Variants in SLC22A23 observed in about 807,000 individuals in gnomAD.
The protein encoded by SLC22A23 is solute carrier family 22 member 23, also known as ion transporter protein.
Under a neutral mutation model 61.0 loss-of-function variants are expected in SLC22A23, and 26 were observed. The observed-to-expected ratio is 0.43, with a 90% CI of 0.31 to 0.59. The LOEUF (loss-of-function observed/expected upper bound fraction) is 0.59, where lower values mean the gene tolerates loss of function less well. SLC22A23 is among the 20% of genes least tolerant of loss of function. The pLI is 0.11. For synonymous variants in SLC22A23, 430 were observed against 413.9 expected (o/e 1.04, Z -0.47); for missense variants, 796 against 934.7 (o/e 0.85, Z 1.94).
chr6:3,274,384 C>T (rs1282288191), intron 9 of SLC22A23, among the ~76,000 whole-genome samples: 1 of 152,172 alleles, frequency 6.6e-6, no homozygotes, highest in Non-Finnish European at 1.5e-5. Context: ...GTGGCCTTGT[C>T]TCAAGGAAGA....
In SLC22A23 at chr6:3,273,267, G is replaced by A; in HGVS notation, c.1849C>T (p.Leu617=). ...CTLICIICIL[L]LPESRDQNLP... Reference sequence around the variant, plus strand: ...TTCTGGTCCCTGCTCTCGGGCAGCAGGAGGATGCAGATGATGCAGATGAGC... The same window carrying A: ...TTCTGGTCCCTGCTCTCGGGCAGCAAGAGGATGCAGATGATGCAGATGAGC... Residue 617 remains leucine (L), a synonymous_variant, in exon 10 of 10, where the codon CTG becomes TTG. Transcript: ENST00000406686. 6.2e-7 allele frequency: 1 copy of A among 1,613,616 alleles called. No homozygotes were observed. Among genetic ancestry groups the A allele is most frequent in the Non-Finnish European group, 8.5e-7 (1 of 1,179,588 alleles).
At chr6:3,339,468 A>G (rs1295753684) in intron 3 of SLC22A23, among the ~76,000 whole-genome samples, 1 of 152,206 alleles carries the variant, frequency 6.6e-6, no homozygotes, top group African/African-American at 2.4e-5. Flanking sequence ...CTTAAACAGG[A>G]GCTGGGTAAA....
At chr6:3,350,734 T>C (rs78516254) in intron 3 of SLC22A23, among the ~76,000 whole-genome samples, 2,658 of 152,290 alleles carry the variant, frequency 0.017, 25 homozygotes, top group African/African-American at 0.038. Flanking sequence ...AAATCAGCAT[T>C]ATTACTTAAA....
intron 3 of SLC22A23, among the ~76,000 whole-genome samples, chr6:3,350,573 G>GC (rs1764710153): frequency 6.6e-6 from 1 of 152,220 alleles, no homozygotes; most frequent in Non-Finnish European, 1.5e-5. Flanking sequence ...GGCCTGCACA[G>GC]CCCAGAATAT....
intron 3 of SLC22A23, among the ~76,000 whole-genome samples, chr6:3,408,564 G>C (rs1768983797): frequency 6.6e-6 from 1 of 152,196 alleles, no homozygotes. Context: ...AATGGATCAA[G>C]GTGTTCTCTT....
chr6:3,373,240 A>C (rs1307594999), intron 3 of SLC22A23, among the ~76,000 whole-genome samples: 1 of 152,218 alleles, frequency 6.6e-6, no homozygotes, highest in Non-Finnish European at 1.5e-5. Flanking sequence ...ACAACCCTGG[A>C]CATGTGTTGT....
chr6:3,382,861 G>A (rs1417007211), intron 3 of SLC22A23, among the ~76,000 whole-genome samples: 1 of 152,158 alleles, frequency 6.6e-6, no homozygotes, highest in Non-Finnish European at 1.5e-5. Context: ...TGCCAAAGAA[G>A]GGCATTGCTG....
chr6:3,392,424 T>C (rs964639887), intron 3 of SLC22A23, among the ~76,000 whole-genome samples: 1 of 152,204 alleles, frequency 6.6e-6, no homozygotes, highest in Non-Finnish European at 1.5e-5. Flanking sequence ...TTGCTAACTA[T>C]ATAGACAGAT....
At chr6:3,440,212 G>C (rs1771499808) in intron 1 of SLC22A23, among the ~76,000 whole-genome samples, 1 of 152,236 alleles carries the variant, frequency 6.6e-6, no homozygotes, top group Non-Finnish European at 1.5e-5. Context: ...ATACAGATCA[G>C]AGCTGCCCTG....
intron 3 of SLC22A23, among the ~76,000 whole-genome samples, chr6:3,362,091 T>TC (rs1292665273): frequency 1.0e-3 from 152 of 151,630 alleles, no homozygotes; most frequent in African/African-American, 3.5e-3. Context: ...AAAATAAATT[T>TC]TTTTTTTAAG....
At chr6:3,426,625 T>C (rs1022647282) in intron 1 of SLC22A23, among the ~76,000 whole-genome samples, 2 of 152,258 alleles carry the variant, frequency 1.3e-5, no homozygotes, top group African/African-American at 2.4e-5. Flanking sequence ...TCAACACTGG[T>C]GTAACCATCT....
chr6:3,351,663 A>G (rs1047925257), intron 3 of SLC22A23, among the ~76,000 whole-genome samples: 1 of 148,802 alleles, frequency 6.7e-6, no homozygotes, highest in African/African-American at 2.5e-5. Flanking sequence ...AGAACACGTC[A>G]CTGGCCACTT....
chr6:3,305,059 G>T lies in SLC22A23; in HGVS notation c.1083-6841C>A. Among the ~76,000 whole-genome samples the T allele has an allele frequency of 1.3e-5, 2 of 152,204 alleles. 1 individual carries two copies. Among genetic ancestry groups the T allele is most frequent in the East Asian group, 3.9e-4 (2 of 5,180 alleles). ...AGCTACATGACCATCTCCACTGGGGGGTAGCACTGCTCACCACCTTCCCCA... is the reference window on the plus strand; with the variant it reads ...AGCTACATGACCATCTCCACTGGGGTGTAGCACTGCTCACCACCTTCCCCA... On this transcript the variant is annotated intron_variant, in intron 4 of 9. Transcript: ENST00000406686.
chr6:3,398,067 G>A (rs938526383), intron 3 of SLC22A23, among the ~76,000 whole-genome samples: 1 of 152,192 alleles, frequency 6.6e-6, no homozygotes, highest in African/African-American at 2.4e-5. Context: ...ATTTTCCCTT[G>A]CATTCTTCTC....
Position 3,390,980 on chromosome 6 carries a change from T to A in SLC22A23, c.913+19208A>T, listed in dbSNP as rs1767625467. On this transcript the variant is annotated intron_variant, in intron 3 of 9. Coordinates refer to ENST00000406686, the MANE Select transcript of SLC22A23 (RefSeq NM_015482.2). This position sits in a 1 kb window ranked among gnomAD's most constrained non-coding sequence, Gnocchi z 4.0. ...GAATGGAATGAAGAGAATCATACCC[T>A]GACTCATTAGAGTGATGAAAAATTT... is the stretch of plus-strand genomic sequence containing the variant. Among the ~76,000 whole-genome samples, 1 of 152,226 alleles carries A rather than the reference T, an allele frequency of 6.6e-6. No individual in the cohort carries two copies. Among genetic ancestry groups the A allele is most frequent in the Non-Finnish European group, 1.5e-5 (1 of 68,040 alleles).
chr6:3,277,378 G>A (rs1759007656), intron 9 of SLC22A23, among the ~76,000 whole-genome samples: 1 of 151,254 alleles, frequency 6.6e-6, no homozygotes, highest in African/African-American at 2.4e-5. Context: ...CACCCTTCCA[G>A]GAACCTCTGC....
At chr6:3,323,390 T>C (rs1763080161) in intron 4 of SLC22A23, 3 of 457,396 alleles carry the variant, frequency 6.6e-6, no homozygotes, top group Admixed American at 4.7e-5. Context: ...GGGCCTGATG[T>C]GGCCCACAGG....
In SLC22A23 at chr6:3,342,423, C is replaced by CT. The variant is rs1292177345; in HGVS notation, c.914-18422dup. Reference sequence around the variant, plus strand: ...CCCAGAAACTATGGAAGTGAGGCCACTAGGGTTCACGGCTCACCTCCTTTG... The same window carrying CT: ...CCCAGAAACTATGGAAGTGAGGCCACTTAGGGTTCACGGCTCACCTCCTTTG... On this transcript the variant is annotated intron_variant, in intron 3 of 9. Coordinates refer to ENST00000406686, the MANE Select transcript of SLC22A23 (RefSeq NM_015482.2). This position sits in a 1 kb window ranked among gnomAD's most constrained non-coding sequence, Gnocchi z 4.0. Among the ~76,000 whole-genome samples the CT allele has an allele frequency of 6.6e-6, 1 of 152,154 alleles. No homozygotes were observed. The highest frequency in any genetic ancestry group is 1.5e-5 in the Non-Finnish European group (1 of 68,022).
rs910359467 is a variant in SLC22A23, at chr6:3,329,328, C to T, written c.914-5326G>A. ...CACAACACTTATTCTTCCTTAAATA[C>T]GTTTAAGAAACTCTTGAATGCTTAT... On this transcript the variant is annotated intron_variant, in intron 3 of 9. Transcript: ENST00000406686. The surrounding 1 kb of genome is among the most constrained non-coding windows in gnomAD (Gnocchi z 4.8). Among the ~76,000 whole-genome samples, 5 of 152,252 alleles carry T rather than the reference C, an allele frequency of 3.3e-5. No individual in the cohort carries two copies. Among genetic ancestry groups the T allele is most frequent in the East Asian group, 1.9e-4 (1 of 5,190 alleles).
Sources: gnomAD v4.1 joint callset for allele counts (sites outside exome capture counted in the v4.1 genomes callset) on GRCh38, gnomAD v4.1.1 for gene constraint, Gnocchi (gnomAD v3.1) non-coding constraint, MANE v1.5 for transcripts, NCBI Gene and HGNC (gene_info 2026-07-23, HGNC 2026-07-21) for gene names.